Variants in LOC128092252 observed in about 807,000 individuals in gnomAD.
At chr15:50,677,169 G>A in the LOC128092252 span, among the ~76,000 whole-genome samples, 18 of 152,270 alleles carry the variant, frequency 1.2e-4, no homozygotes, top group South Asian at 3.1e-3. Context: ...AAGGCTCTCA[G>A]ACAGCTGCCT....
the LOC128092252 span, among the ~76,000 whole-genome samples, chr15:50,671,847 T>A: frequency 6.6e-6 from 1 of 152,128 alleles, no homozygotes; most frequent in Non-Finnish European, 1.5e-5. Flanking sequence ...GCAGCCATCA[T>A]AAGTTCATAG....
chr15:50,650,452 T>C, the LOC128092252 span, among the ~76,000 whole-genome samples: 2 of 151,944 alleles, frequency 1.3e-5, no homozygotes, highest in African/African-American at 4.8e-5. Context: ...CCCAGCACCT[T>C]GGGAAGCCAA....
chr15:50,664,912 C>T, the LOC128092252 span, among the ~76,000 whole-genome samples: 1 of 152,090 alleles, frequency 6.6e-6, no homozygotes, highest in Admixed American at 6.6e-5. Context: ...CTGCAGTAAG[C>T]CAAGATCACA....
the LOC128092252 span, among the ~76,000 whole-genome samples, chr15:50,672,210 C>T: frequency 6.6e-6 from 1 of 152,086 alleles, no homozygotes; most frequent in African/African-American, 2.4e-5. Context: ...ACCACCACCA[C>T]ACCCAGCTAA....
At chr15:50,659,621 T>G in the LOC128092252 span, among the ~76,000 whole-genome samples, 1 of 152,166 alleles carries the variant, frequency 6.6e-6, no homozygotes. Context: ...TATTGCAAAG[T>G]GGAATTAATA....
chr15:50,685,066 T>C, the LOC128092252 span, among the ~76,000 whole-genome samples: 7 of 152,362 alleles, frequency 4.6e-5, no homozygotes, highest in African/African-American at 9.6e-5. Flanking sequence ...AATTATCCCA[T>C]TGAGGAATGA....
chr15:50,679,097 C>T, the LOC128092252 span, among the ~76,000 whole-genome samples: 1 of 136,474 alleles, frequency 7.3e-6, no homozygotes, highest in Non-Finnish European at 1.6e-5. Context: ...TGGTCTCGAT[C>T]TCTTGACCTG....
the LOC128092252 span, among the ~76,000 whole-genome samples, chr15:50,654,626 T>C: frequency 4.1e-4 from 62 of 151,342 alleles, 3 homozygotes; most frequent in Non-Finnish European, 4.9e-4. Flanking sequence ...ACATGGTGCA[T>C]CTCAGCAGTA....
At chr15:50,673,836 A>C in the LOC128092252 span, among the ~76,000 whole-genome samples, 2 of 152,174 alleles carry the variant, frequency 1.3e-5, no homozygotes, top group Admixed American at 6.6e-5. Flanking sequence ...AGGAATCTCC[A>C]CATTGTTTCC....
At chr15:50,648,963 C>A in the LOC128092252 span, 2 of 1,123,728 alleles carry the variant, frequency 1.8e-6, no homozygotes, top group Admixed American at 3.0e-5. Context: ...AGTGAATGAA[C>A]CGACAAATAT....
chr15:50,656,407 C>T, the LOC128092252 span, among the ~76,000 whole-genome samples: 1 of 152,032 alleles, frequency 6.6e-6, no homozygotes, highest in Non-Finnish European at 1.5e-5. Context: ...CCAAACGATC[C>T]TCCCGGCTCC....
chr15:50,670,241 G>T, the LOC128092252 span, among the ~76,000 whole-genome samples: 1 of 152,048 alleles, frequency 6.6e-6, no homozygotes, highest in Non-Finnish European at 1.5e-5. Context: ...ATAAAAGAAG[G>T]GGGGAAACGT....
At chr15:50,663,164 T>C in the LOC128092252 span, 1 of 754,112 alleles carries the variant, frequency 1.3e-6, no homozygotes. Context: ...GTTTTGCTCT[T>C]GTTGCCCAGA....
At chr15:50,649,952 T>C in the LOC128092252 span, among the ~76,000 whole-genome samples, 1 of 151,898 alleles carries the variant, frequency 6.6e-6, no homozygotes, top group Non-Finnish European at 1.5e-5. Flanking sequence ...CCCAGCACTT[T>C]GGGAGGCCGA....
chr15:50,668,648 C>T, the LOC128092252 span, among the ~76,000 whole-genome samples: 1 of 152,158 alleles, frequency 6.6e-6, no homozygotes, highest in Non-Finnish European at 1.5e-5. Context: ...GCTGGGATTA[C>T]AGATGCCCGC....
At chr15:50,651,000 C>A in the LOC128092252 span, among the ~76,000 whole-genome samples, 29 of 152,014 alleles carry the variant, frequency 1.9e-4, no homozygotes, top group African/African-American at 6.5e-4. Flanking sequence ...CCAGCCCGGG[C>A]AACATGGTGA....
chr15:50,664,979 A>G, the LOC128092252 span, among the ~76,000 whole-genome samples: 4 of 152,174 alleles, frequency 2.6e-5, no homozygotes, highest in Non-Finnish European at 5.9e-5. Context: ...ATAAATAAAT[A>G]ATCAGCAGAA....
the LOC128092252 span, among the ~76,000 whole-genome samples, chr15:50,678,714 T>C: frequency 6.6e-6 from 1 of 152,042 alleles, no homozygotes; most frequent in South Asian, 2.1e-4. Context: ...TCTGTAACAA[T>C]TGGTAGAAAA....
At chr15:50,668,500 A>T in the LOC128092252 span, among the ~76,000 whole-genome samples, 1 of 152,018 alleles carries the variant, frequency 6.6e-6, no homozygotes, top group East Asian at 1.9e-4. Flanking sequence ...ATGGCAATAG[A>T]TTTGTTTTTG....
Sources: allele counts gnomAD v4.1 joint callset (sites outside exome capture counted in the v4.1 genomes callset), GRCh38; gene constraint gnomAD v4.1.1; transcripts MANE v1.5.